Variants in ASIC2 observed in about 807,000 individuals in gnomAD.
ASIC2 encodes the protein acid-sensing ion channel 2.
Under a neutral mutation model 57.3 loss-of-function variants are expected in ASIC2, and 25 were observed. The ratio of observed to expected loss-of-function variants is 0.44; its 90% CI spans 0.32 to 0.61. ASIC2 has a LOEUF of 0.61. Among genes scored for constraint, ASIC2 ranks in the 20% least tolerant of loss-of-function variants. The pLI is 0.06. For synonymous variants in ASIC2, 319 were observed against 307.5 expected (o/e 1.04, Z -0.39); for missense variants, 641 against 738.1 (o/e 0.87, Z 1.52).
intron 1 of ASIC2, among the ~76,000 whole-genome samples, chr17:33,885,164 A>G (rs914952807): frequency 1.3e-5 from 2 of 152,206 alleles, no homozygotes; most frequent in African/African-American, 4.8e-5. Context: ...GGCTGGTGTC[A>G]AACTGCCCAC....
At chr17:33,689,599 G>A (rs1390689517) in intron 1 of ASIC2, among the ~76,000 whole-genome samples, 2 of 60 alleles carry the variant, frequency 0.033, no homozygotes, top group African/African-American at 0.083. Context: ...AGAAATATTA[G>A]ATTGAGATGA....
At chr17:33,128,604 G>A (rs1187197619) in intron 1 of ASIC2, among the ~76,000 whole-genome samples, 1 of 152,222 alleles carries the variant, frequency 6.6e-6, no homozygotes, top group African/African-American at 2.4e-5. Flanking sequence ...GAGTTTTGGA[G>A]TGGGGGTGGC....
At chr17:33,612,910 A>T (rs1434591) in intron 1 of ASIC2, among the ~76,000 whole-genome samples, 5,238 of 152,206 alleles carry the variant, frequency 0.034, 254 homozygotes, top group African/African-American at 0.1. Context: ...TAAGTCCATT[A>T]TCTCTTCTGT....
chr17:33,212,098 A>G (rs1907297823), intron 1 of ASIC2, among the ~76,000 whole-genome samples: 3 of 152,208 alleles, frequency 2.0e-5, no homozygotes, highest in Admixed American at 2.0e-4. Flanking sequence ...AAGGCTCCCA[A>G]TCTTTGAATT....
chr17:33,054,473 C>T (rs2091990103), intron 3 of ASIC2, among the ~76,000 whole-genome samples: 1 of 152,162 alleles, frequency 6.6e-6, no homozygotes, highest in Non-Finnish European at 1.5e-5. Context: ...TCCCAGGATT[C>T]TATGATTTTA....
chr17:34,154,488 CAG>C (rs1904639325), intron 1 of ASIC2, among the ~76,000 whole-genome samples: 4 of 152,180 alleles, frequency 2.6e-5, no homozygotes. Flanking sequence ...CTCCAAGAAA[CAG>C]AGTTCTAGCA....
intron 1 of ASIC2, among the ~76,000 whole-genome samples, chr17:33,548,368 A>C (rs1260448646): frequency 6.6e-6 from 1 of 152,218 alleles, no homozygotes; most frequent in Non-Finnish European, 1.5e-5. Context: ...TTATGGGCTA[A>C]AGATACGCTC....
At chr17:33,362,992 G>T (rs1458751916) in intron 1 of ASIC2, among the ~76,000 whole-genome samples, 1 of 152,166 alleles carries the variant, frequency 6.6e-6, no homozygotes, top group Non-Finnish European at 1.5e-5. Context: ...TCCTCTTAAT[G>T]ACTTTGATAA....
chr17:33,958,970 A>G (rs1424036285), intron 1 of ASIC2, among the ~76,000 whole-genome samples: 1 of 152,174 alleles, frequency 6.6e-6, no homozygotes, highest in Admixed American at 6.5e-5. Flanking sequence ...ACAGATCTCT[A>G]GGGCAGGGAC....
rs1246716016 is a variant in ASIC2, at chr17:33,088,850, C to G, written c.987+13G>C. 1 of 1,605,366 alleles carries G rather than the reference C, an allele frequency of 6.2e-7. No individual in the cohort carries two copies. Among genetic ancestry groups the G allele is most frequent in the East Asian group, 2.2e-5 (1 of 44,598 alleles). On this transcript the variant is annotated intron_variant, in intron 3 of 9. Transcript: ENST00000225823. ...GCTGAGGACCATCAATCCTGGGAGC[C>G]CAGGGAACTTACCCTCTGCTCCTGT...
intron 1 of ASIC2, among the ~76,000 whole-genome samples, chr17:33,922,893 G>A (rs900835033): frequency 1.3e-5 from 2 of 152,146 alleles, no homozygotes; most frequent in African/African-American, 4.8e-5. Flanking sequence ...TCAGCTGGCT[G>A]GGGATCTCTT....
intron 1 of ASIC2, among the ~76,000 whole-genome samples, chr17:33,814,670 G>C (rs747885202): frequency 2.0e-5 from 3 of 152,226 alleles, no homozygotes; most frequent in African/African-American, 7.2e-5. Context: ...GGGAACCTAT[G>C]GGCTTTATTA....
intron 1 of ASIC2, among the ~76,000 whole-genome samples, chr17:33,553,817 A>G (rs1372602433): frequency 6.6e-6 from 1 of 152,190 alleles, no homozygotes; most frequent in Non-Finnish European, 1.5e-5. Context: ...TAAGACAGAT[A>G]AAATAACTTA....
chr17:33,093,551 C>T (rs1277356691), intron 2 of ASIC2, among the ~76,000 whole-genome samples: 1 of 152,046 alleles, frequency 6.6e-6, no homozygotes, highest in Non-Finnish European at 1.5e-5. Flanking sequence ...GACAGCGTAA[C>T]ATGAAAGATA....
chr17:33,163,328 G>C (rs1325025373), intron 1 of ASIC2, among the ~76,000 whole-genome samples: 1 of 152,086 alleles, frequency 6.6e-6, no homozygotes, highest in Non-Finnish European at 1.5e-5. Flanking sequence ...ACTTCCTGCA[G>C]AGTGACTCTC....
At chr17:33,456,617 G>A (rs1434376647) in intron 1 of ASIC2, among the ~76,000 whole-genome samples, 1 of 152,194 alleles carries the variant, frequency 6.6e-6, no homozygotes, top group African/African-American at 2.4e-5. Context: ...TAACTATGTG[G>A]TGGGTGGGGC....
At chr17:33,033,254 G>A (rs2091893174) in intron 3 of ASIC2, among the ~76,000 whole-genome samples, 1 of 152,190 alleles carries the variant, frequency 6.6e-6, no homozygotes, top group Non-Finnish European at 1.5e-5. Context: ...GCCTCCTGTA[G>A]CTCCTGGGCG....
At chr17:33,285,549 A>G (rs529660209) in intron 1 of ASIC2, among the ~76,000 whole-genome samples, 1 of 152,358 alleles carries the variant, frequency 6.6e-6, no homozygotes, top group South Asian at 2.1e-4. Flanking sequence ...ATGCCCTCAT[A>G]TTAAACAGGA....
intron 1 of ASIC2, among the ~76,000 whole-genome samples, chr17:33,880,788 C>T (rs1192040210): frequency 6.6e-6 from 1 of 152,118 alleles, no homozygotes; most frequent in Non-Finnish European, 1.5e-5. Context: ...GATACCAAAG[C>T]CTGGCAGAGA....
Sources: allele counts gnomAD v4.1 joint callset (sites outside exome capture counted in the v4.1 genomes callset), GRCh38; gene constraint gnomAD v4.1.1; transcripts MANE v1.5; gene names NCBI Gene and HGNC (gene_info 2026-07-23, HGNC 2026-07-21).